YKT6: variants seen among roughly 807,000 people sequenced by gnomAD.
The protein encoded by YKT6 is YKT6 vesicular SNARE protein.
A neutral mutation model predicts 29.3 loss-of-function variants in YKT6; 12 were observed. The ratio of observed to expected loss-of-function variants is 0.41; its 90% CI spans 0.26 to 0.66. The LOEUF (loss-of-function observed/expected upper bound fraction) is 0.66, where lower values mean the gene tolerates loss of function less well. YKT6 is among the 30% of genes least tolerant of loss of function. YKT6 has a pLI of 0.32. For missense variants in YKT6, 188 were observed against 243.8 expected (o/e 0.77, Z 1.52); for synonymous variants, 86 against 94.3 (o/e 0.91, Z 0.51).
intron 2 of YKT6, among the ~76,000 whole-genome samples, chr7:44,206,092 T>C (rs1329779035): frequency 6.6e-6 from 1 of 152,204 alleles, no homozygotes; most frequent in East Asian, 1.9e-4. Flanking sequence ...GAAATGCTCC[T>C]GGGGCCATGT....
rs374169220 is a variant in YKT6, at chr7:44,201,204, C to T, written c.69C>T (p.Tyr23=). 7 of 1,612,944 alleles carry T rather than the reference C, an allele frequency of 4.3e-6. No homozygotes were observed. The African/African-American group carries it at 6.7e-5, about 15-fold the overall frequency. ...AGGTGGTGCTGCTCAAAGCCGCATA[C>T]GATGTGTCTTCCTTCAGCTTTTTCC... ...EAKVVLLKAA[Y]DVSSFSFFQR... Residue 23 remains tyrosine (Y), a synonymous_variant, in exon 1 of 7, where the codon TAC becomes TAT. Coordinates refer to ENST00000223369, the MANE Select transcript of YKT6 (RefSeq NM_006555.4).
intron 1 of YKT6, among the ~76,000 whole-genome samples, chr7:44,203,109 T>A (rs1157220919): frequency 6.6e-6 from 1 of 152,204 alleles, no homozygotes; most frequent in Non-Finnish European, 1.5e-5. Context: ...ATTTATTTTA[T>A]TTTAGATGGA....
chr7:44,204,777 C>T (rs551789844), intron 2 of YKT6, 127 bp downstream of exon 2: 2 of 799,550 alleles, frequency 2.5e-6, no homozygotes, highest in Non-Finnish European at 4.0e-6. Context: ...TCTTTCCCAC[C>T]TCTTCCTTTT....
chr7:44,202,553 A>G (rs1317392334), intron 1 of YKT6, among the ~76,000 whole-genome samples: 2 of 152,212 alleles, frequency 1.3e-5, no homozygotes, highest in African/African-American at 2.4e-5. Flanking sequence ...TATTTCATGT[A>G]GCATAATGTC....
chr7:44,210,203 C>T (rs1258488784), intron 5 of YKT6, among the ~76,000 whole-genome samples: 1 of 152,126 alleles, frequency 6.6e-6, no homozygotes, highest in African/African-American at 2.4e-5. Flanking sequence ...ATAGCCATTT[C>T]CCACCGCCTT....
chr7:44,204,551 C>T lies in YKT6; in HGVS notation c.105-17C>T. 1 of 1,613,716 alleles carries T rather than the reference C, an allele frequency of 6.2e-7. No homozygotes were observed. Among genetic ancestry groups the T allele is most frequent in the Non-Finnish European group, 8.5e-7 (1 of 1,179,668 alleles). On this transcript the variant is annotated splice_polypyrimidine_tract_variant and intron_variant, in intron 1 of 6. Transcript: ENST00000223369. ...GGTGATAAGAAGTAGGCAATAAATA[C>T]ATTTTGTGTTTCTTAGCGTTCAGGA... is the stretch of plus-strand genomic sequence containing the variant.
rs199843184 is a variant in YKT6, at chr7:44,204,611, C to T, written c.148C>T (p.Arg50Cys). The part of the protein sequence containing the change: ...MTFTSQLIVE[R>C]SSKGTRASVK... ...CTTCACGAGTCAACTGATTGTGGAGCGCTCATCGAAAGGCACTAGAGCTTC... is the reference window on the plus strand; with the variant it reads ...CTTCACGAGTCAACTGATTGTGGAGTGCTCATCGAAAGGCACTAGAGCTTC... The change falls in exon 2 of 7, where the codon CGC becomes TGC. Residue 50 changes from arginine (R) to cysteine (C), a missense_variant. Transcript: ENST00000223369. 1.1e-5 allele frequency: 18 copies of T among 1,614,182 alleles called. No individual in the cohort carries two copies. Among genetic ancestry groups the T allele is most frequent in the East Asian group, 4.5e-5 (2 of 44,890 alleles).
intron 3 of YKT6, 46 bp downstream of exon 3, chr7:44,206,531 A>T (rs778714703): frequency 2.1e-5 from 32 of 1,510,808 alleles, no homozygotes; most frequent in Non-Finnish European, 2.1e-5. Context: ...ATGAATGGGC[A>T]CATTTATGGA....
At chr7:44,210,689 C>T in intron 5 of YKT6, 2 of 390,568 alleles carry the variant, frequency 5.1e-6, no homozygotes, top group South Asian at 2.0e-5. Flanking sequence ...TGCACACACA[C>T]ACACACACAC....
In YKT6 at chr7:44,208,168, G is replaced by A. The variant is rs2128839876; in HGVS notation, c.429G>A (p.Gln143=). 6.2e-7 allele frequency: 1 copy of A among 1,614,080 alleles called. No individual in the cohort carries two copies. Among genetic ancestry groups the A allele is most frequent in the Middle Eastern group, 1.6e-4 (1 of 6,062 alleles). The part of the protein sequence containing the change: ...PREADPMTKV[Q]AELDETKIIL... Reference sequence around the variant, plus strand: ...AAGCTGATCCCATGACTAAAGTGCAGGCCGAACTAGATGAGACCAAAATCA... The same window carrying A: ...AAGCTGATCCCATGACTAAAGTGCAAGCCGAACTAGATGAGACCAAAATCA... The change falls in exon 5 of 7, where the codon CAG becomes CAA. Residue 143 remains glutamine (Q), a synonymous_variant. Transcript: ENST00000223369.
At chr7:44,210,404 G>A (rs780689931) in intron 5 of YKT6, among the ~76,000 whole-genome samples, 17 of 152,276 alleles carry the variant, frequency 1.1e-4, no homozygotes, top group Middle Eastern at 6.8e-3. Context: ...TGCCTCTGCC[G>A]TCACGTGACC....
chr7:44,206,930 C>T (rs1250033505), intron 3 of YKT6, among the ~76,000 whole-genome samples: 1 of 152,150 alleles, frequency 6.6e-6, no homozygotes, highest in East Asian at 1.9e-4. Flanking sequence ...GTGCTAATTA[C>T]TAATATTAAC....
At chr7:44,204,705 C>T in intron 2 of YKT6, 55 bp downstream of exon 2, 2 of 1,560,730 alleles carry the variant, frequency 1.3e-6, no homozygotes, top group East Asian at 2.2e-5. Context: ...CATGCCTCAC[C>T]TCACATAGCA....
chr7:44,205,308 T>C (rs897832777), intron 2 of YKT6, among the ~76,000 whole-genome samples: 6 of 152,266 alleles, frequency 3.9e-5, no homozygotes, highest in African/African-American at 1.4e-4. Context: ...TTCAGTGTTC[T>C]TGCTCTGTTC....
rs902828517 is a variant in YKT6, at chr7:44,212,973, A to C, written c.*691A>C. 12 of 152,174 alleles carry C rather than the reference A, an allele frequency of 7.9e-5. No individual in the cohort carries two copies. The highest frequency in any genetic ancestry group is 3.9e-4 in the East Asian group (2 of 5,180). 9.4% of individuals were successfully genotyped at this position (152,174 alleles called of 1,614,324 possible). ...GTGGCTTGTGGGAGGATTTGGAAGG[A>C]GCTGCATTGTGGGCGGGGAGTGTGT... On this transcript the variant is annotated 3_prime_UTR_variant, in exon 7 of 7. Coordinates refer to ENST00000223369, the MANE Select transcript of YKT6 (RefSeq NM_006555.4).
intron 3 of YKT6, 88 bp from the exon 4 acceptor site, chr7:44,207,300 G>C: frequency 8.9e-7 from 1 of 1,121,530 alleles, no homozygotes; most frequent in Non-Finnish European, 1.3e-6. Context: ...GCCTCATTCA[G>C]GGTGAGGTGC....
intron 1 of YKT6, among the ~76,000 whole-genome samples, chr7:44,202,252 T>A (rs2096336564): frequency 6.6e-6 from 1 of 152,188 alleles, no homozygotes; most frequent in Non-Finnish European, 1.5e-5. Flanking sequence ...ACTTTCTGCT[T>A]CTTTGAGTTC....
At chr7:44,202,341 A>C (rs1164192169) in intron 1 of YKT6, among the ~76,000 whole-genome samples, 1 of 152,204 alleles carries the variant, frequency 6.6e-6, no homozygotes, top group Non-Finnish European at 1.5e-5. Flanking sequence ...TAGTGAGTGC[A>C]TTGATATGAA....
rs1447094762 is a variant in YKT6 at position 44,207,495 on chromosome 7, A to G, written c.393+3A>G. 5 of 1,613,324 alleles carry G rather than the reference A, an allele frequency of 3.1e-6. No homozygotes were observed. The highest frequency in any genetic ancestry group is 8.5e-7 in the Non-Finnish European group (1 of 1,179,498). ...ATGGTCACCTCAGTAGATACCAGGTAGGGTTAAAGGAAGCTTCAGCAGACA... is the reference window on the plus strand; with the variant it reads ...ATGGTCACCTCAGTAGATACCAGGTGGGGTTAAAGGAAGCTTCAGCAGACA... On this transcript the variant is annotated splice_donor_region_variant and intron_variant, in intron 4 of 6. Transcript: ENST00000223369.
Sources: gnomAD v4.1 joint callset for allele counts (sites outside exome capture counted in the v4.1 genomes callset) on GRCh38, gnomAD v4.1.1 for gene constraint, MANE v1.5 for transcripts, NCBI Gene and HGNC (gene_info 2026-07-23, HGNC 2026-07-21) for gene names.